Variants in FLT1 observed in about 807,000 individuals in gnomAD.
FLT1 encodes the protein fms related receptor tyrosine kinase 1.
Under a neutral mutation model 156.3 loss-of-function variants are expected in FLT1, and 49 were observed. The observed-to-expected ratio is 0.31, with a 90% CI of 0.25 to 0.40. FLT1 has a LOEUF of 0.40. FLT1 is among the 10% of genes least tolerant of loss of function. FLT1 has a pLI of 1.00. For missense variants in FLT1, 1,322 were observed against 1,637.2 expected (o/e 0.81, Z 3.32); for synonymous variants, 594 against 583.8 (o/e 1.02, Z -0.25).
chr13:28,385,002 G>A lies in FLT1; in HGVS notation c.1999C>T (p.Leu667Phe), dbSNP rs747292637. 3 of 1,614,134 alleles carry A rather than the reference G, an allele frequency of 1.9e-6. No homozygotes were observed. Among genetic ancestry groups the A allele is most frequent in the Non-Finnish European group, 2.5e-6 (3 of 1,180,028 alleles). ...CTGATGGCCACTGTGTGATCACTGA[G>A]GTTTCGCAGGAGGTATGGTGCTTCC... ...DQEAPYLLRNLSDHTVAISSS... is the reference protein window; with the variant it reads ...DQEAPYLLRNFSDHTVAISSS... Residue 667 changes from leucine to phenylalanine, a missense_variant, in exon 14 of 30, where the codon CTC becomes TTC. Around this residue, in one of 3 missense-constraint regions of FLT1, gnomAD observed 991 missense variants for 1,254.8 expected, o/e 0.79. Transcript: ENST00000282397.
chr13:28,396,594 C>T (rs773834601), intron 12 of FLT1, among the ~76,000 whole-genome samples: 9 of 151,974 alleles, frequency 5.9e-5, no homozygotes, highest in Admixed American at 2.0e-4. Context: ...AAACCAAAAA[C>T]GATGTCATCA....
At chr13:28,340,894 C>T (rs548029294) in intron 16 of FLT1, among the ~76,000 whole-genome samples, 1 of 151,810 alleles carries the variant, frequency 6.6e-6, no homozygotes, top group East Asian at 1.9e-4. Context: ...TTGGGTTAGA[C>T]TATGAGGGCC....
chr13:28,372,132 A>G (rs1042252160), intron 14 of FLT1, among the ~76,000 whole-genome samples: 2 of 133,460 alleles, frequency 1.5e-5, no homozygotes, highest in Non-Finnish European at 3.1e-5. Context: ...CCCAAGCTGA[A>G]CTGCAGTGGA....
At chr13:28,389,658 A>C (rs1874581599) in intron 13 of FLT1, 138 bp downstream of exon 13, 1 of 1,518,880 alleles carries the variant, frequency 6.6e-7, no homozygotes, top group Admixed American at 2.2e-5. Context: ...AGTGACAATA[A>C]ATCAAGATGA....
In FLT1 at chr13:28,467,520, C is replaced by T; in HGVS notation, c.161+1G>A. On this transcript the variant is annotated splice_donor_variant, in intron 2 of 29. Coordinates refer to ENST00000282397, the MANE Select transcript of FLT1 (RefSeq NM_002019.4). LOFTEE classifies it high-confidence loss of function. Reference sequence around the variant, plus strand: ...ATTCCCAAACCAACACAGCCACTTACCTGCATTGGAGATGCAGTGTCTGGC... The same window carrying T: ...ATTCCCAAACCAACACAGCCACTTATCTGCATTGGAGATGCAGTGTCTGGC... 2 of 1,580,112 alleles carry T rather than the reference C, an allele frequency of 1.3e-6. No homozygotes were observed. Among genetic ancestry groups the T allele is most frequent in the Non-Finnish European group, 1.7e-6 (2 of 1,151,138 alleles).
chr13:28,372,064 A>G (rs1565990341), intron 14 of FLT1, among the ~76,000 whole-genome samples: 19 of 41,890 alleles, frequency 4.5e-4, no homozygotes, highest in East Asian at 1.4e-3. Context: ...ATATATATAT[A>G]TATATATATA....
chr13:28,431,400 C>A, intron 6 of FLT1, 90 bp from the exon 7 acceptor site: 2 of 901,848 alleles, frequency 2.2e-6, no homozygotes, highest in South Asian at 2.8e-5. Flanking sequence ...ATCATTAGTT[C>A]GACAACAGCT....
chr13:28,337,377 C>T (rs991221051), intron 17 of FLT1, among the ~76,000 whole-genome samples: 1 of 152,162 alleles, frequency 6.6e-6, no homozygotes, highest in Admixed American at 6.5e-5. Context: ...GTTAAAACAG[C>T]CTTTTCTCTC....
intron 28 of FLT1, among the ~76,000 whole-genome samples, chr13:28,307,186 G>A (rs1007806091): frequency 7.2e-5 from 11 of 152,082 alleles, no homozygotes; most frequent in African/African-American, 1.9e-4. Context: ...GACATCATTC[G>A]ATTTTTTTTC....
At chr13:28,494,303 A>C (rs598945) in intron 1 of FLT1, among the ~76,000 whole-genome samples, 29,692 of 152,216 alleles carry the variant, frequency 0.2, 4,613 homozygotes, top group African/African-American at 0.42. Flanking sequence ...ATATCACCAA[A>C]GTCCCGGCCT....
At chr13:28,318,414 C>A in intron 24 of FLT1, among the ~76,000 whole-genome samples, 1 of 152,056 alleles carries the variant, frequency 6.6e-6, no homozygotes, top group South Asian at 2.1e-4. Flanking sequence ...CCCCTGCAAC[C>A]TTTCCTTTTG....
At chr13:28,368,110 G>T in intron 14 of FLT1, 2 of 726,708 alleles carry the variant, frequency 2.8e-6, no homozygotes, top group Non-Finnish European at 3.4e-6. Flanking sequence ...TGTATGTTAA[G>T]TTTAATAGAA....
intron 14 of FLT1, among the ~76,000 whole-genome samples, chr13:28,363,120 T>G (rs773968305): frequency 3.3e-5 from 5 of 152,228 alleles, no homozygotes; most frequent in Non-Finnish European, 7.3e-5. Context: ...CTCTAATACC[T>G]TAATCTGTTG....
intron 10 of FLT1, among the ~76,000 whole-genome samples, chr13:28,416,929 C>A (rs1228664838): frequency 6.6e-6 from 1 of 152,158 alleles, no homozygotes; most frequent in Non-Finnish European, 1.5e-5. Context: ...ATAACATGCA[C>A]CCATGTAATG....
intron 14 of FLT1, among the ~76,000 whole-genome samples, chr13:28,382,419 G>A (rs1228915747): frequency 6.6e-6 from 1 of 152,242 alleles, no homozygotes; most frequent in Non-Finnish European, 1.5e-5. Flanking sequence ...CGTCGTAGGA[G>A]TAGGCAGGGG....
intron 3 of FLT1, among the ~76,000 whole-genome samples, chr13:28,452,546 T>C (rs76032074): frequency 0.051 from 7,772 of 152,216 alleles, 625 homozygotes; most frequent in African/African-American, 0.18. Flanking sequence ...TGGGGACTAA[T>C]CACTCCCAAG....
At chr13:28,477,759 T>C (rs1395702296) in intron 1 of FLT1, among the ~76,000 whole-genome samples, 1 of 152,204 alleles carries the variant, frequency 6.6e-6, no homozygotes, top group Admixed American at 6.5e-5. Context: ...CCAATGTCAC[T>C]GTTTAGAGGT....
Position 28,494,901 on chromosome 13 carries a change from G to A in FLT1, c.-58C>T. Reference sequence around the variant, plus strand: ...CCGCGCTCCCCGCGGCCAACGACCCGGCCGCCAGAGTCCGTCCTCTCGTTC... The same window carrying A: ...CCGCGCTCCCCGCGGCCAACGACCCAGCCGCCAGAGTCCGTCCTCTCGTTC... On this transcript the variant is annotated 5_prime_UTR_variant, in exon 1 of 30. Transcript: ENST00000282397. 3 of 1,392,260 alleles carry A rather than the reference G, an allele frequency of 2.2e-6. No homozygotes were observed. The highest frequency in any genetic ancestry group is 5.7e-5 in the East Asian group (2 of 34,996). The allele number at this position is 1,392,260 out of a possible 1,614,324, so 86.2% of individuals were successfully genotyped here.
chr13:28,369,525 C>T (rs1409880396), intron 14 of FLT1, among the ~76,000 whole-genome samples: 2 of 151,590 alleles, frequency 1.3e-5, no homozygotes, highest in African/African-American at 4.8e-5. Flanking sequence ...ACTCCATCTC[C>T]AAAAAAGAAA....
Sources: gnomAD v4.1 joint callset for allele counts (sites outside exome capture counted in the v4.1 genomes callset) on GRCh38, gnomAD v4.1.1 for gene constraint, gnomAD v4.1.1 regional missense constraint, MANE v1.5 for transcripts, NCBI Gene and HGNC (gene_info 2026-07-23, HGNC 2026-07-21) for gene names.